SLC35F1: variants seen among roughly 807,000 people sequenced by gnomAD.
SLC35F1 encodes chromosome 6 open reading frame 169.
In SLC35F1, 14 loss-of-function variants were observed where a neutral mutation model predicts 48.7. The ratio of observed to expected loss-of-function variants is 0.29; its 90% confidence interval spans 0.19 to 0.45. The LOEUF (loss-of-function observed/expected upper bound fraction) is 0.45, where lower values mean the gene tolerates loss of function less well. Among genes scored for constraint, SLC35F1 ranks in the 20% least tolerant of loss-of-function variants. The pLI, the probability that SLC35F1 is intolerant of heterozygous loss-of-function variation, is 1.00. For synonymous variants in SLC35F1, 190 were observed against 202.2 expected, an observed-to-expected ratio of 0.94 and a Z score of 0.51; for missense variants, 404 against 500.0, an observed-to-expected ratio of 0.81 and a Z score of 1.83.
chr6:117,999,076 G>T (rs549937396), intron 1 of SLC35F1: 5 of 1,535,152 alleles, frequency 3.3e-6, no homozygotes, highest in East Asian at 4.5e-5. Context: ...CTCTTAAGGG[G>T]GTGGACCCCA....
intron 7 of SLC35F1, among the ~76,000 whole-genome samples, chr6:118,312,237 G>A (rs1274961771): frequency 6.6e-6 from 1 of 152,162 alleles, no homozygotes; most frequent in African/African-American, 2.4e-5. Flanking sequence ...TTTTGAAAGT[G>A]AAAGTAATTA....
At chr6:118,262,844 TG>T (rs765246618) in intron 3 of SLC35F1, among the ~76,000 whole-genome samples, 6 of 152,150 alleles carry the variant, frequency 3.9e-5, no homozygotes, top group African/African-American at 2.4e-5. Context: ...CCCAGCAGTT[TG>T]GGAGACTGAG....
intron 1 of SLC35F1, among the ~76,000 whole-genome samples, chr6:118,073,173 T>C (rs1225487830): frequency 6.6e-6 from 1 of 152,192 alleles, no homozygotes; most frequent in Non-Finnish European, 1.5e-5. Context: ...CAGCTTCTAC[T>C]GTGAAAGAGT....
At chr6:118,175,396 T>C (rs2114501812) in intron 2 of SLC35F1, among the ~76,000 whole-genome samples, 1 of 152,254 alleles carries the variant, frequency 6.6e-6, no homozygotes, top group African/African-American at 2.4e-5. Context: ...GCTCAATCCT[T>C]TGAATATGCA....
chr6:117,978,772 G>A (rs530661113), intron 1 of SLC35F1, among the ~76,000 whole-genome samples: 1 of 152,284 alleles, frequency 6.6e-6, no homozygotes, highest in South Asian at 2.1e-4. Context: ...GACACCCACT[G>A]AATTTGAATT....
chr6:118,127,525 T>C (rs903169174), intron 1 of SLC35F1, among the ~76,000 whole-genome samples: 1 of 152,162 alleles, frequency 6.6e-6, no homozygotes, highest in East Asian at 1.9e-4. Context: ...TCCTATCTGA[T>C]CTTTGACAAA....
intron 1 of SLC35F1, among the ~76,000 whole-genome samples, chr6:118,095,203 T>C (rs971153832): frequency 1.6e-4 from 25 of 152,204 alleles, no homozygotes; most frequent in African/African-American, 5.8e-4. Context: ...CACTTAACAA[T>C]ATCACTTTCT....
chr6:118,166,031 C>A (rs369119296), intron 2 of SLC35F1, among the ~76,000 whole-genome samples: 1 of 152,200 alleles, frequency 6.6e-6, no homozygotes, highest in South Asian at 2.1e-4. Context: ...TCTCCAAAGA[C>A]AAGAACTATC....
In SLC35F1 at chr6:118,114,668, G is replaced by A. The variant is rs148699687; in HGVS notation, c.174-39777G>A. ...TGGGATTACAGGCGTGAGCTACCGC[G>A]CCTGGCCAGATTCATTGACTTTTAA... On this transcript the variant is annotated intron_variant, in intron 1 of 7. Coordinates refer to ENST00000360388, the MANE Select transcript of SLC35F1 (RefSeq NM_001029858.4). 4.3e-4 allele frequency among the ~76,000 whole-genome samples: 66 copies of A among 152,146 alleles called. 1 individual carries two copies. The East Asian group carries it at 0.011, about 26-fold the overall frequency.
intron 1 of SLC35F1, among the ~76,000 whole-genome samples, chr6:118,137,729 G>T (rs932484478): frequency 6.6e-6 from 1 of 152,106 alleles, no homozygotes; most frequent in Non-Finnish European, 1.5e-5. Flanking sequence ...TTCCTAAATG[G>T]CCTACAACCC....
Position 117,987,641 on chromosome 6 carries a change from G to A in SLC35F1, c.173+79742G>A, listed in dbSNP as rs772981894. Among the ~76,000 whole-genome samples the A allele has an allele frequency of 5.2e-4, 79 of 152,116 alleles. 1 individual carries two copies. Among genetic ancestry groups the A allele is most frequent in the South Asian group, 2.1e-4 (1 of 4,828 alleles). On this transcript the variant is annotated intron_variant, in intron 1 of 7. Coordinates refer to ENST00000360388, the MANE Select transcript of SLC35F1 (RefSeq NM_001029858.4). ...CCTGGTGATTACCTGCTTAAGAATG[G>A]CATGGGGGTGGTGTAGAAAAGAAAG...
At chr6:117,921,141 C>T (rs1052163024) in intron 1 of SLC35F1, among the ~76,000 whole-genome samples, 1 of 151,970 alleles carries the variant, frequency 6.6e-6, no homozygotes, top group South Asian at 2.1e-4. Flanking sequence ...TTGATGATAG[C>T]CCCCCAACTT....
intron 1 of SLC35F1, among the ~76,000 whole-genome samples, chr6:118,042,465 G>C (rs1394252425): frequency 9.2e-5 from 14 of 152,164 alleles, no homozygotes; most frequent in Admixed American, 9.2e-4. Context: ...CCCTGGGTCT[G>C]AATATGCAAA....
At chr6:118,174,639 G>A (rs1774459035) in intron 2 of SLC35F1, among the ~76,000 whole-genome samples, 1 of 152,012 alleles carries the variant, frequency 6.6e-6, no homozygotes, top group Admixed American at 6.6e-5. Context: ...AATATTTGAA[G>A]GGATAATAGC....
chr6:118,064,684 A>G (rs1241367549), intron 1 of SLC35F1, among the ~76,000 whole-genome samples: 3 of 152,338 alleles, frequency 2.0e-5, no homozygotes, highest in Non-Finnish European at 2.9e-5. Context: ...TTTTCTATGA[A>G]TACAAATAAT....
intron 1 of SLC35F1, among the ~76,000 whole-genome samples, chr6:118,058,214 T>A (rs895793302): frequency 3.3e-5 from 5 of 152,170 alleles, no homozygotes; most frequent in Admixed American, 1.3e-4. Flanking sequence ...TCAACTTTTT[T>A]AAGCGACTAT....
intron 2 of SLC35F1, among the ~76,000 whole-genome samples, chr6:118,233,067 G>C (rs555666488): frequency 6.6e-6 from 1 of 152,138 alleles, no homozygotes; most frequent in East Asian, 1.9e-4. Context: ...CTGGGTTCAA[G>C]TGATTCTCCT....
chr6:118,063,781 C>T (rs182943637), intron 1 of SLC35F1, among the ~76,000 whole-genome samples: 34 of 151,026 alleles, frequency 2.3e-4, no homozygotes, highest in African/African-American at 7.8e-4. Context: ...AGAATTAGCC[C>T]GATTATGTTT....
intron 2 of SLC35F1, among the ~76,000 whole-genome samples, chr6:118,219,167 C>A (rs975308307): frequency 1.7e-4 from 26 of 152,012 alleles, no homozygotes; most frequent in African/African-American, 6.0e-4. Context: ...TTAAAATGTC[C>A]CCAATAGAAC....
Sources: gnomAD v4.1 joint callset for allele counts (sites outside exome capture counted in the v4.1 genomes callset) on GRCh38, gnomAD v4.1.1 for gene constraint, MANE v1.5 for transcripts, NCBI Gene and HGNC (gene_info 2026-07-23, HGNC 2026-07-21) for gene names.